Variants in C4orf50 observed in about 807,000 individuals in gnomAD.
C4orf50 encodes chromosome 4 open reading frame 50.
C4orf50 carries 80 observed loss-of-function variants against 77.2 expected under a neutral mutation model. That is an observed-to-expected ratio of 1.04 (90% confidence interval 0.87 to 1.25). The LOEUF is 1.25. C4orf50 is among the 50% of genes most tolerant of loss of function. The pLI, the probability that C4orf50 is intolerant of heterozygous loss-of-function variation, is 0.00. For missense variants in C4orf50, 1,257 were observed against 1,152.9 expected, an observed-to-expected ratio of 1.09 and a Z score of -1.31; for synonymous variants, 532 against 465.3, an observed-to-expected ratio of 1.14 and a Z score of -1.84.
At chr4:5,979,197 A>G (rs1333759802) in intron 29 of C4orf50, among the ~76,000 whole-genome samples, 1 of 152,238 alleles carries the variant, frequency 6.6e-6, no homozygotes, top group East Asian at 1.9e-4. Context: ...GAAATTTGCC[A>G]TTTAGATATA....
chr4:6,000,068 T>C lies in C4orf50; in HGVS notation c.964-5592A>G, dbSNP rs1721767394. 6.6e-6 allele frequency among the ~76,000 whole-genome samples: 1 copy of C among 151,970 alleles called. No individual in the cohort carries two copies. Among genetic ancestry groups the C allele is most frequent in the African/African-American group, 2.4e-5 (1 of 41,370 alleles). ...CCGTGGGCAGCCATGGTGGGGTGCT[T>C]ATGGAGGGAGATCCTTTGACAGTCA... On this transcript the variant is annotated intron_variant, in intron 25 of 33. Transcript: ENST00000531445. This position sits in a 1 kb window ranked among gnomAD's most constrained non-coding sequence, Gnocchi z 6.0.
chr4:6,007,614 G>T lies in C4orf50; in HGVS notation c.963+382C>A, dbSNP rs1446536562. 3.9e-5 allele frequency among the ~76,000 whole-genome samples: 6 copies of T among 152,196 alleles called. No individual in the cohort carries two copies. In the South Asian group the frequency reaches 1.0e-3, roughly 26 times the overall value. Reference sequence around the variant, plus strand: ...CAACAATGGGAAAACAAGTGGTTTAGTAAGTGGGCTCATAAGTGGCTGCGT... The same window carrying T: ...CAACAATGGGAAAACAAGTGGTTTATTAAGTGGGCTCATAAGTGGCTGCGT... On this transcript the variant is annotated intron_variant, in intron 25 of 33. Transcript: ENST00000531445. The surrounding 1 kb of genome is among the most constrained non-coding windows in gnomAD (Gnocchi z 4.1).
intron 7 of C4orf50, among the ~76,000 whole-genome samples, chr4:5,918,887 G>T (rs1275549310): frequency 6.6e-6 from 1 of 151,712 alleles, no homozygotes; most frequent in Non-Finnish European, 1.5e-5. Flanking sequence ...TCTCCTGGCG[G>T]GGGACCCCAG....
At chr4:5,990,804 G>T in exon 28 of C4orf50, 1 of 399,196 alleles carries the variant, frequency 2.5e-6, no homozygotes, top group Admixed American at 4.4e-5. Flanking sequence ...GTTCATCCAA[G>T]CTGGGCTCTG....
chr4:5,950,084 C>T (rs1718653907), intron 7 of C4orf50, among the ~76,000 whole-genome samples: 1 of 151,594 alleles, frequency 6.6e-6, no homozygotes, highest in East Asian at 1.9e-4. Flanking sequence ...GTTGGTGCTA[C>T]TTTTAAATAG....
At position 6,017,992 on chromosome 4, in the gene C4orf50, A is replaced by T. The variant is rs546765965; in HGVS notation, c.287+153T>A. On this transcript the variant is annotated intron_variant, in intron 23 of 33. Coordinates refer to ENST00000531445, the Ensembl canonical transcript of C4orf50. The surrounding 1 kb of genome is among the most constrained non-coding windows in gnomAD (Gnocchi z 4.7). ...AGAGCAGAAGAAGGAGGGCGGGAGG[A>T]GCAGAAGGCAAGTGACTGCGTGGGC... is the stretch of plus-strand genomic sequence containing the variant. Among the ~76,000 whole-genome samples the T allele has an allele frequency of 1.8e-4, 27 of 152,118 alleles. No individual in the cohort carries two copies. The highest frequency in any genetic ancestry group is 6.5e-4 in the African/African-American group (27 of 41,480).
exon 28 of C4orf50, chr4:5,989,470 C>A (rs114811547): frequency 6.5e-7 from 1 of 1,536,106 alleles, no homozygotes; most frequent in East Asian, 2.4e-5. Context: ...ACCCCAATTT[C>A]CCCAAACCTG....
At chr4:5,931,683 C>G (rs868256257) in intron 7 of C4orf50, among the ~76,000 whole-genome samples, 55 of 152,124 alleles carry the variant, frequency 3.6e-4, no homozygotes, top group African/African-American at 1.3e-3. Flanking sequence ...GAGGCCCACT[C>G]CACCCTCTCT....
chr4:6,003,512 ATGGTGATGATGATG>A (rs1439129525), intron 25 of C4orf50, among the ~76,000 whole-genome samples: 1 of 151,410 alleles, frequency 6.6e-6, no homozygotes, highest in Non-Finnish European at 1.5e-5. Flanking sequence ...GATGATGGTG[ATGGTGATGATGATG>A]TGGTGGTGAT....
downstream of C4orf50, among the ~76,000 whole-genome samples, chr4:5,952,687 C>A (rs1274546851): frequency 6.6e-6 from 1 of 152,196 alleles, no homozygotes; most frequent in East Asian, 1.9e-4. The surrounding 1 kb of genome is among the most constrained non-coding windows in gnomAD (Gnocchi z 4.4). Context: ...AACTGGCTGG[C>A]TCCTTTGAGG....
At chr4:5,980,219 C>T (rs373348925) in exon 29 of C4orf50, 28 of 1,609,608 alleles carry the variant, frequency 1.7e-5, no homozygotes, top group Middle Eastern at 1.7e-4. Flanking sequence ...CGTCCAGAGA[C>T]GCCTGGTGGG....
At chr4:5,948,920 C>G (rs888353712) in intron 7 of C4orf50, among the ~76,000 whole-genome samples, 1 of 138,812 alleles carries the variant, frequency 7.2e-6, no homozygotes, top group Admixed American at 7.4e-5. Flanking sequence ...AAGATTGCAC[C>G]ATTGCACTTC....
At chr4:5,911,221 G>A (rs746933625) in intron 7 of C4orf50, among the ~76,000 whole-genome samples, 8 of 152,070 alleles carry the variant, frequency 5.3e-5, no homozygotes, top group Admixed American at 4.6e-4. Context: ...TTCCCTTTCT[G>A]TGCCTTTCGA....
intron 29 of C4orf50, among the ~76,000 whole-genome samples, chr4:5,979,137 C>T (rs1203762047): frequency 5.9e-5 from 9 of 152,164 alleles, no homozygotes; most frequent in Non-Finnish European, 7.4e-5. Context: ...TGGAGGGTTA[C>T]TTGCCATTAC....
chr4:5,929,305 A>G (rs1446767123), intron 7 of C4orf50, among the ~76,000 whole-genome samples: 2 of 152,238 alleles, frequency 1.3e-5, no homozygotes, highest in Non-Finnish European at 2.9e-5. Flanking sequence ...GCCTGTCAGC[A>G]GACGTTTTTT....
intron 25 of C4orf50, among the ~76,000 whole-genome samples, chr4:5,999,611 G>C (rs1721744333): frequency 6.6e-6 from 1 of 152,208 alleles, no homozygotes; most frequent in Non-Finnish European, 1.5e-5. Context: ...GATGCCTCAA[G>C]GCACTCACTC....
rs1188798723 is a variant in C4orf50 at position 6,007,213 on chromosome 4, AGTGG to A, written c.963+779_963+782del. Among the ~76,000 whole-genome samples the A allele has an allele frequency of 2.0e-5, 3 of 152,120 alleles. No individual in the cohort carries two copies. The highest frequency in any genetic ancestry group is 7.2e-5 in the African/African-American group (3 of 41,408). On this transcript the variant is annotated intron_variant, in intron 25 of 33. Coordinates refer to ENST00000531445, the Ensembl canonical transcript of C4orf50. This position sits in a 1 kb window ranked among gnomAD's most constrained non-coding sequence, Gnocchi z 4.1. ...GAAGATAATGGAACGTGGCTAGACA[AGTGG>A]GTGGGTGAGTGCTGGGGTCTGAATG...
chr4:5,947,252 C>T (rs944019695), intron 7 of C4orf50, among the ~76,000 whole-genome samples: 1 of 152,144 alleles, frequency 6.6e-6, no homozygotes, highest in Non-Finnish European at 1.5e-5. Context: ...TGTGTGACCT[C>T]CAAGAATGGC....
At chr4:5,996,881 C>T (rs568751546) in intron 25 of C4orf50, among the ~76,000 whole-genome samples, 1 of 152,384 alleles carries the variant, frequency 6.6e-6, no homozygotes, top group Non-Finnish European at 1.5e-5. Flanking sequence ...CTCACGGTCC[C>T]ATTCAGCTGC....
Sources: gnomAD v4.1 joint callset for allele counts (sites outside exome capture counted in the v4.1 genomes callset) on GRCh38, gnomAD v4.1.1 for gene constraint, Gnocchi (gnomAD v3.1) non-coding constraint, MANE v1.5 for transcripts, NCBI Gene and HGNC (gene_info 2026-07-23, HGNC 2026-07-21) for gene names.